The following KIF2A variants were observed in gnomAD, a reference collection of about 807,000 sequenced individuals.
KIF2A encodes the protein kinesin-like protein KIF2A.
In KIF2A, 22 loss-of-function variants were observed where a neutral mutation model predicts 100.2. The ratio of observed to expected loss-of-function variants is 0.22; its 90% confidence interval spans 0.16 to 0.31. The LOEUF (loss-of-function observed/expected upper bound fraction) is 0.31. Ranked by LOEUF, KIF2A falls within the 10% of genes least tolerant of loss-of-function variation. KIF2A has a pLI of 1.00. For synonymous variants in KIF2A, 268 were observed against 285.9 expected, an observed-to-expected ratio of 0.94 and a Z score of 0.63; for missense variants, 495 against 898.7, an observed-to-expected ratio of 0.55 and a Z score of 5.74.
At chr5:62,366,586 C>G (rs1033971040) in intron 16 of KIF2A, 105 bp downstream of exon 16, 2 of 649,166 alleles carry the variant, frequency 3.1e-6, no homozygotes, top group Non-Finnish European at 5.3e-6. Context: ...AATCCTAGCA[C>G]TTTGGGAGGC....
intron 1 of KIF2A, among the ~76,000 whole-genome samples, chr5:62,314,466 A>C (rs536313500): frequency 6.6e-6 from 1 of 152,224 alleles, no homozygotes; most frequent in East Asian, 1.9e-4. Flanking sequence ...ACTGTCTCAA[A>C]ACAAACAAAC....
chr5:62,320,288 A>G (rs929055649), intron 1 of KIF2A, among the ~76,000 whole-genome samples: 4 of 152,176 alleles, frequency 2.6e-5, no homozygotes, highest in African/African-American at 9.7e-5. Context: ...TAGCTGCTGC[A>G]TAGCCAATAC....
intron 1 of KIF2A, among the ~76,000 whole-genome samples, chr5:62,342,777 T>A (rs1264080041): frequency 6.6e-6 from 1 of 151,010 alleles, no homozygotes; most frequent in Non-Finnish European, 1.5e-5. Flanking sequence ...TTTTTTGAAG[T>A]GGAGTCTCGC....
chr5:62,370,811 C>T (rs1261565833), intron 16 of KIF2A, among the ~76,000 whole-genome samples: 3 of 152,042 alleles, frequency 2.0e-5, no homozygotes, highest in East Asian at 1.9e-4. Context: ...TTTTTAGTAA[C>T]ATGTTTGAAG....
intron 9 of KIF2A, among the ~76,000 whole-genome samples, chr5:62,359,420 CT>C (rs1748275249): frequency 6.6e-6 from 1 of 151,188 alleles, no homozygotes; most frequent in African/African-American, 2.4e-5. Context: ...GAGACCAACT[CT>C]TTTTGTCTTC....
At chr5:62,359,049 G>C (rs1429244813) in intron 9 of KIF2A, among the ~76,000 whole-genome samples, 2 of 152,134 alleles carry the variant, frequency 1.3e-5, no homozygotes, top group Non-Finnish European at 2.9e-5. Context: ...AGGCGAAAAA[G>C]TTCCGTACTT....
intron 1 of KIF2A, chr5:62,308,299 A>AT (rs1172075826): frequency 8.0e-6 from 11 of 1,374,808 alleles, no homozygotes; most frequent in South Asian, 6.6e-5. Context: ...TGTTAATGTC[A>AT]TTTTTTTAGG....
chr5:62,324,693 A>G (rs1045443446), intron 1 of KIF2A, among the ~76,000 whole-genome samples: 2 of 152,214 alleles, frequency 1.3e-5, no homozygotes, highest in Non-Finnish European at 2.9e-5. Context: ...TCCTTTCACC[A>G]TAAACAAAAA....
intron 20 of KIF2A, among the ~76,000 whole-genome samples, chr5:62,383,332 TC>T (rs2112013521): frequency 7.6e-6 from 1 of 132,012 alleles, no homozygotes; most frequent in African/African-American, 2.8e-5. Context: ...AAGCTCCGCC[TC>T]CCAGGTTCAT....
intron 1 of KIF2A, among the ~76,000 whole-genome samples, chr5:62,327,072 A>G (rs1746415481): frequency 6.6e-6 from 1 of 152,194 alleles, no homozygotes; most frequent in East Asian, 1.9e-4. Flanking sequence ...TTTGTTTGAA[A>G]TACCTTCACT....
chr5:62,311,575 A>G (rs1212446274), intron 1 of KIF2A, among the ~76,000 whole-genome samples: 2 of 152,200 alleles, frequency 1.3e-5, no homozygotes, highest in Non-Finnish European at 2.9e-5. Context: ...CTAATTCTTT[A>G]TATGCTTTGC....
At position 62,389,892 on chromosome 5, in the gene KIF2A, GA is replaced by G. The variant is rs1742220786; in HGVS notation, c.*4324del. 6.6e-6 allele frequency among the ~76,000 whole-genome samples: 1 copy of G among 152,192 alleles called. No individual in the cohort carries two copies. Among genetic ancestry groups the G allele is most frequent in the East Asian group, 1.9e-4 (1 of 5,204 alleles). On this transcript the variant is annotated 3_prime_UTR_variant, in exon 21 of 21. Transcript: ENST00000407818. Reference sequence around the variant, plus strand: ...GAAAAAGAGAAAATATTTCTCTTTAGACCTGAGGTTATGTTTAGGCTGGCCC... The same window carrying G: ...GAAAAAGAGAAAATATTTCTCTTTAGCCTGAGGTTATGTTTAGGCTGGCCC...
At position 62,373,706 on chromosome 5, in the gene KIF2A, G is replaced by A. The variant is rs1741417433; in HGVS notation, c.1780G>A (p.Asp594Asn). 1.2e-6 allele frequency: 2 copies of A among 1,613,468 alleles called. No homozygotes were observed. Among genetic ancestry groups the A allele is most frequent in the Admixed American group, 1.7e-5 (1 of 59,986 alleles). Residue 594 changes from aspartate (D) to asparagine (N), a missense_variant, in exon 18 of 21, where the codon GAT becomes AAT. By Grantham distance (23) the Asp-to-Asn change is conservative. Coordinates refer to ENST00000407818, the MANE Select transcript of KIF2A (RefSeq NM_001098511.3). The stretch of plus-strand genomic sequence containing the variant: ...TTATAGGGTCAAAGAATTGACTGTA[G>A]ATCCAACTGCTGCTGGTGATGTTCG... Reference protein sequence around the residue: ...SVTRVKELTVDPTAAGDVRPI... With the variant: ...SVTRVKELTVNPTAAGDVRPI...
intron 16 of KIF2A, among the ~76,000 whole-genome samples, chr5:62,371,111 TAAA>T (rs1226975220): frequency 6.6e-6 from 1 of 151,568 alleles, no homozygotes; most frequent in African/African-American, 2.4e-5. Context: ...TACAAAAAAA[TAAA>T]AAATTAGCCG....
At chr5:62,361,393 T>A in intron 10 of KIF2A, 61 bp downstream of exon 10, 1 of 1,446,264 alleles carries the variant, frequency 6.9e-7, no homozygotes, top group Non-Finnish European at 9.7e-7. Flanking sequence ...CCTTATAGCT[T>A]AATTCTGTGA....
At position 62,308,566 on chromosome 5, in the gene KIF2A, A is replaced by G. The variant is rs919058816; in HGVS notation, c.64+2030A>G. ...TGTGTATACGTTTATGTGTGTGTAT[A>G]GACAATGTACAATGGAACATTATTC... On this transcript the variant is annotated intron_variant, in intron 1 of 20. Transcript: ENST00000407818. The G allele has an allele frequency of 1.4e-5, 10 of 702,350 alleles. No individual in the cohort carries two copies. The Admixed American group carries it at 2.0e-4, about 14-fold the overall frequency. 43.5% of individuals were successfully genotyped at this position (702,350 alleles called of 1,614,324 possible).
chr5:62,358,311 C>G lies in KIF2A; in HGVS notation c.872+12C>G, dbSNP rs542499569. ...GAAATGGTTTACAGGTAGGTAAATT[C>G]ATTTTAAATCAGAATTTTGTTCTTA... is the stretch of plus-strand genomic sequence containing the variant. On this transcript the variant is annotated intron_variant, in intron 9 of 20. Coordinates refer to ENST00000407818, the MANE Select transcript of KIF2A (RefSeq NM_001098511.3). 10 of 1,527,878 alleles carry G rather than the reference C, an allele frequency of 6.5e-6. No individual in the cohort carries two copies. Among genetic ancestry groups the G allele is most frequent in the African/African-American group, 5.6e-5 (4 of 70,828 alleles). The allele number at this position is 1,527,878 out of a possible 1,614,324, so 94.6% of individuals were successfully genotyped here.
rs375056831 is a variant in KIF2A at position 62,358,586 on chromosome 5, G to A, written c.872+287G>A. Among the ~76,000 whole-genome samples, 9 of 151,892 alleles carry A rather than the reference G, an allele frequency of 5.9e-5. No homozygotes were observed. The South Asian group carries it at 8.3e-4, about 14-fold the overall frequency. On this transcript the variant is annotated intron_variant, in intron 9 of 20. Coordinates refer to ENST00000407818, the MANE Select transcript of KIF2A (RefSeq NM_001098511.3). ...ACCATGTATATGGATAAGAAATTTC[G>A]GGAAAATGTTAACATTACCTCTAGG...
intron 3 of KIF2A, 103 bp from the exon 4 acceptor site, chr5:62,349,963 C>G (rs1243306230): frequency 7.3e-6 from 5 of 680,776 alleles, no homozygotes; most frequent in Non-Finnish European, 1.2e-5. Context: ...GTTTTATATT[C>G]TTACATGTCT....
Sources: allele counts gnomAD v4.1 joint callset (sites outside exome capture counted in the v4.1 genomes callset), GRCh38; gene constraint gnomAD v4.1.1; transcripts MANE v1.5; gene names NCBI Gene and HGNC (gene_info 2026-07-23, HGNC 2026-07-21).